The following PDZRN4 variants were observed in gnomAD, a reference collection of about 807,000 sequenced individuals.
The protein encoded by PDZRN4 is PDZ domain containing ring finger 4.
PDZRN4 carries 70 observed loss-of-function variants against 99.0 expected under a neutral mutation model. That is an observed-to-expected ratio of 0.71 (90% CI 0.58 to 0.86). The LOEUF is 0.86. Among genes scored for constraint, PDZRN4 ranks in the 40% least tolerant of loss-of-function variants. The pLI is 0.00. For missense variants in PDZRN4, 1,474 were observed against 1,331.2 expected (o/e 1.11, Z -1.67); for synonymous variants, 551 against 501.6 (o/e 1.10, Z -1.32).
At chr12:41,258,969 G>C (rs73120939) in intron 3 of PDZRN4, among the ~76,000 whole-genome samples, 6 of 149,844 alleles carry the variant, frequency 4.0e-5, no homozygotes, top group Admixed American at 2.6e-4. Flanking sequence ...AGTACATGGC[G>C]GGGGGGCACT....
chr12:41,328,582 T>A (rs79995210), intron 3 of PDZRN4, among the ~76,000 whole-genome samples: 3,456 of 152,236 alleles, frequency 0.023, 58 homozygotes, highest in Non-Finnish European at 0.033. Flanking sequence ...ACAGCTCAAC[T>A]TTTTTTAAAA....
Position 41,560,914 on chromosome 12 carries a change from C to G in PDZRN4, c.1366-2634C>G, listed in dbSNP as rs965337012. 3.3e-5 allele frequency among the ~76,000 whole-genome samples: 5 copies of G among 152,258 alleles called. No homozygotes were observed. The East Asian group carries it at 9.6e-4, about 29-fold the overall frequency. On this transcript the variant is annotated intron_variant, in intron 7 of 9. Coordinates refer to ENST00000402685, the MANE Select transcript of PDZRN4 (RefSeq NM_001164595.2). ...CCAACCGGTTGGCTAAAGTGTGGCA[C>G]TTATTTTCTAAAAGAAACAATAAAT...
At chr12:41,239,637 G>A (rs944608228) in intron 3 of PDZRN4, among the ~76,000 whole-genome samples, 1 of 152,000 alleles carries the variant, frequency 6.6e-6, no homozygotes, top group Non-Finnish European at 1.5e-5. Context: ...TGCTATTGGG[G>A]GTAAGAAAGG....
intron 9 of PDZRN4, among the ~76,000 whole-genome samples, chr12:41,571,808 T>C (rs1021139770): frequency 6.6e-6 from 1 of 152,164 alleles, no homozygotes; most frequent in African/African-American, 2.4e-5. Flanking sequence ...CACCTATAGA[T>C]AGCAATGTCC....
chr12:41,417,649 A>G (rs971262123), intron 3 of PDZRN4, among the ~76,000 whole-genome samples: 2 of 152,230 alleles, frequency 1.3e-5, no homozygotes, highest in African/African-American at 4.8e-5. Flanking sequence ...GTGAGAAAGT[A>G]TAGAGAGGAG....
At chr12:41,303,941 C>T (rs1951553115) in intron 3 of PDZRN4, among the ~76,000 whole-genome samples, 1 of 152,080 alleles carries the variant, frequency 6.6e-6, no homozygotes, top group African/African-American at 2.4e-5. Context: ...TGTTTTAGTA[C>T]CTACTGTGAA....
At chr12:41,430,513 T>A (rs2120436788) in intron 3 of PDZRN4, among the ~76,000 whole-genome samples, 1 of 151,876 alleles carries the variant, frequency 6.6e-6, no homozygotes, top group Non-Finnish European at 1.5e-5. Flanking sequence ...GAATTATTAC[T>A]CTGTATGTAT....
intron 3 of PDZRN4, among the ~76,000 whole-genome samples, chr12:41,349,549 A>T (rs1203742765): frequency 6.6e-6 from 1 of 151,932 alleles, no homozygotes; most frequent in African/African-American, 2.4e-5. Flanking sequence ...GCTTTATGTA[A>T]CTGAAAAGAC....
intron 3 of PDZRN4, among the ~76,000 whole-genome samples, chr12:41,423,196 G>T (rs1030329063): frequency 6.6e-5 from 10 of 151,974 alleles, no homozygotes; most frequent in African/African-American, 2.4e-4. Flanking sequence ...TGCAGAACAT[G>T]CAGGTTTGTT....
At chr12:41,535,602 C>G (rs1938735420) in intron 5 of PDZRN4, among the ~76,000 whole-genome samples, 1 of 152,162 alleles carries the variant, frequency 6.6e-6, no homozygotes, top group South Asian at 2.1e-4. Context: ...ATCTCCCATA[C>G]TGCAGTATTG....
intron 3 of PDZRN4, among the ~76,000 whole-genome samples, chr12:41,228,515 C>A (rs1440437844): frequency 6.6e-6 from 1 of 151,932 alleles, no homozygotes; most frequent in Non-Finnish European, 1.5e-5. Context: ...TTTGAAAGGC[C>A]TTTTGCCAAA....
chr12:41,240,839 C>T (rs1463043799), intron 3 of PDZRN4, among the ~76,000 whole-genome samples: 1 of 152,128 alleles, frequency 6.6e-6, no homozygotes, highest in East Asian at 1.9e-4. Context: ...ACCTACTCAC[C>T]TCTCAAAGAC....
intron 3 of PDZRN4, among the ~76,000 whole-genome samples, chr12:41,241,063 A>T (rs1951098807): frequency 6.6e-6 from 1 of 151,046 alleles, no homozygotes; most frequent in South Asian, 2.1e-4. Context: ...CTCTTTCCTT[A>T]TTATTCCAAG....
At chr12:41,504,146 G>C (rs1044482995) in intron 3 of PDZRN4, among the ~76,000 whole-genome samples, 2 of 152,132 alleles carry the variant, frequency 1.3e-5, no homozygotes, top group Admixed American at 1.3e-4. Flanking sequence ...GCATGCGCCT[G>C]TTACCCCAGC....
chr12:41,260,361 C>T (rs1048912350), intron 3 of PDZRN4, among the ~76,000 whole-genome samples: 9 of 151,956 alleles, frequency 5.9e-5, no homozygotes, highest in Admixed American at 2.6e-4. Context: ...ATGAGAAGTG[C>T]CATCTTTTGT....
chr12:41,519,285 TG>T (rs1368810529), intron 5 of PDZRN4, among the ~76,000 whole-genome samples: 1 of 152,100 alleles, frequency 6.6e-6, no homozygotes, highest in African/African-American at 2.4e-5. Flanking sequence ...TACTGTGTTC[TG>T]AGCATTTACG....
chr12:41,255,846 G>A (rs765197353), intron 3 of PDZRN4, among the ~76,000 whole-genome samples: 1 of 152,114 alleles, frequency 6.6e-6, no homozygotes, highest in African/African-American at 2.4e-5. Context: ...GCAGAGCCAA[G>A]CTCCTTTGAA....
intron 3 of PDZRN4, among the ~76,000 whole-genome samples, chr12:41,344,136 A>G (rs1360281757): frequency 6.6e-6 from 1 of 152,158 alleles, no homozygotes; most frequent in Non-Finnish European, 1.5e-5. Context: ...TAAGTTGATT[A>G]TATCATTCTG....
At chr12:41,437,004 A>G (rs1441959471) in intron 3 of PDZRN4, among the ~76,000 whole-genome samples, 1 of 152,212 alleles carries the variant, frequency 6.6e-6, no homozygotes. Flanking sequence ...ACAAATCTAC[A>G]TGCGTTATAT....
Sources: allele counts gnomAD v4.1 joint callset (sites outside exome capture counted in the v4.1 genomes callset), GRCh38; gene constraint gnomAD v4.1.1; transcripts MANE v1.5; gene names NCBI Gene and HGNC (gene_info 2026-07-23, HGNC 2026-07-21).